Variants in MYLK4 observed in about 807,000 individuals in gnomAD.
MYLK4 encodes the protein myosin light chain kinase family member 4, also known as caMLCK like.
MYLK4 carries 46 observed loss-of-function variants against 48.1 expected under a neutral mutation model. The observed-to-expected ratio is 0.96, with a 90% CI of 0.75 to 1.22. The LOEUF (loss-of-function observed/expected upper bound fraction) is 1.22, where lower values mean the gene tolerates loss of function less well. Ranked by LOEUF, MYLK4 falls within the 50% of genes most tolerant of loss-of-function variation. MYLK4 has a pLI of 0.00. For missense variants in MYLK4, 451 were observed against 486.1 expected (o/e 0.93, Z 0.68); for synonymous variants, 170 against 180.8 (o/e 0.94, Z 0.48).
At chr6:2,684,952 G>C (rs148997273) in intron 6 of MYLK4, among the ~76,000 whole-genome samples, 2 of 152,032 alleles carry the variant, frequency 1.3e-5, no homozygotes, top group Non-Finnish European at 2.9e-5. Context: ...TTGTTGACAT[G>C]ACCTTTGTAT....
intron 2 of MYLK4, among the ~76,000 whole-genome samples, chr6:2,705,711 T>C (rs1762464303): frequency 6.6e-6 from 1 of 152,196 alleles, no homozygotes; most frequent in African/African-American, 2.4e-5. Flanking sequence ...AAAAACAACT[T>C]AGATTTAACA....
chr6:2,680,203 A>G lies in MYLK4; in HGVS notation c.758+18T>C. 6.2e-7 allele frequency: 1 copy of G among 1,613,874 alleles called. No homozygotes were observed. Among genetic ancestry groups the G allele is most frequent in the South Asian group, 1.1e-5 (1 of 91,054 alleles). ...GTCCCCCAGCTCCATTCGTACACCT[A>G]TGTCCAAATAGACATACCTTCTGGC... On this transcript the variant is annotated intron_variant, in intron 8 of 12. Coordinates refer to ENST00000274643, the MANE Select transcript of MYLK4 (RefSeq NM_001012418.5).
At chr6:2,694,502 G>GGTA (rs1561845821) in intron 2 of MYLK4, among the ~76,000 whole-genome samples, 4 of 55,348 alleles carry the variant, frequency 7.2e-5, no homozygotes, top group African/African-American at 2.4e-4. Context: ...TGGTGGTGGT[G>GGTA]GTGGTGGTGG....
the MYLK4 span, among the ~76,000 whole-genome samples, chr6:2,768,511 TTTG>T: frequency 9.2e-4 from 140 of 152,328 alleles, no homozygotes; most frequent in East Asian, 2.5e-3. Context: ...TTATAATATT[TTTG>T]TTGTTGTTGT....
the MYLK4 span, among the ~76,000 whole-genome samples, chr6:2,767,554 C>T: frequency 6.6e-6 from 1 of 152,196 alleles, no homozygotes; most frequent in Non-Finnish European, 1.5e-5. Context: ...TAAACCACAT[C>T]TATCCCAAAT....
the MYLK4 span, among the ~76,000 whole-genome samples, chr6:2,763,624 G>A: frequency 1.3e-5 from 2 of 152,250 alleles, no homozygotes; most frequent in African/African-American, 4.8e-5. Flanking sequence ...ACCGCGCGCA[G>A]CCCCGGTTCC....
At chr6:2,723,883 T>C (rs1426821541) in intron 2 of MYLK4, among the ~76,000 whole-genome samples, 2 of 152,102 alleles carry the variant, frequency 1.3e-5, no homozygotes, top group African/African-American at 4.8e-5. Flanking sequence ...TTTTATTTTA[T>C]TTTTTATTTT....
In MYLK4 at chr6:2,673,598, A is replaced by G. The variant is rs1760981769; in HGVS notation, c.1119+1449T>C. Among the ~76,000 whole-genome samples, 1 of 152,244 alleles carries G rather than the reference A, an allele frequency of 6.6e-6. No homozygotes were observed. The highest frequency in any genetic ancestry group is 1.5e-5 in the Non-Finnish European group (1 of 68,048). On this transcript the variant is annotated intron_variant, in intron 11 of 12. Coordinates refer to ENST00000274643, the MANE Select transcript of MYLK4 (RefSeq NM_001012418.5). This position sits in a 1 kb window ranked among gnomAD's most constrained non-coding sequence, Gnocchi z 4.2. Reference sequence around the variant, plus strand: ...ACCAGCCACCCTAACTGATAGGTACATCAGACAGGTCCTGGTGGGCCCAAA... The same window carrying G: ...ACCAGCCACCCTAACTGATAGGTACGTCAGACAGGTCCTGGTGGGCCCAAA...
the MYLK4 span, chr6:2,769,032 A>C: frequency 2.8e-6 from 2 of 716,130 alleles, no homozygotes; most frequent in South Asian, 2.8e-5. Flanking sequence ...CTATTTCTCC[A>C]TACATTTCTT....
chr6:2,762,332 C>G, the MYLK4 span, among the ~76,000 whole-genome samples: 1 of 152,122 alleles, frequency 6.6e-6, no homozygotes, highest in African/African-American at 2.4e-5. Flanking sequence ...TCTTGAAACA[C>G]GTCCTAAGAG....
rs565354195 is a variant in MYLK4 at position 2,671,487 on chromosome 6, C to T, written c.1120-139G>A. ...GAGAAGTTCTTGAAGCCTACATTCCCGACAACCCCCTGGCAGACACACCGG... is the reference window on the plus strand; with the variant it reads ...GAGAAGTTCTTGAAGCCTACATTCCTGACAACCCCCTGGCAGACACACCGG... On this transcript the variant is annotated intron_variant, in intron 11 of 12. Coordinates refer to ENST00000274643, the MANE Select transcript of MYLK4 (RefSeq NM_001012418.5). The T allele has an allele frequency of 1.2e-4, 88 of 741,198 alleles. 1 individual carries two copies. The South Asian group carries it at 1.4e-3, about 12-fold the overall frequency. The allele number at this position is 741,198 out of a possible 1,614,324, so 45.9% of individuals were successfully genotyped here.
chr6:2,755,524 T>C (rs1210791780), upstream of MYLK4, among the ~76,000 whole-genome samples: 2 of 152,204 alleles, frequency 1.3e-5, no homozygotes, highest in Non-Finnish European at 1.5e-5. Flanking sequence ...ATTTAGGAAA[T>C]GGTCATTCCG....
At position 2,666,990 on chromosome 6, in the gene MYLK4, A is replaced by C. The variant is rs1760681828; in HGVS notation, c.*935T>G. 1.3e-5 allele frequency: 2 copies of C among 152,356 alleles called. No individual in the cohort carries two copies. The highest frequency in any genetic ancestry group is 4.1e-4 in the South Asian group (2 of 4,828). 9.4% of individuals were successfully genotyped at this position (152,356 alleles called of 1,614,324 possible). ...TGTATGTGTTTACCCAGAAGCTTGAATGTTATTTCCCAAGTCACTTCAATG... is the reference window on the plus strand; with the variant it reads ...TGTATGTGTTTACCCAGAAGCTTGACTGTTATTTCCCAAGTCACTTCAATG... On this transcript the variant is annotated 3_prime_UTR_variant, in exon 13 of 13. Coordinates refer to ENST00000274643, the MANE Select transcript of MYLK4 (RefSeq NM_001012418.5).
At chr6:2,699,529 C>A (rs1762209932) in intron 2 of MYLK4, among the ~76,000 whole-genome samples, 1 of 150,760 alleles carries the variant, frequency 6.6e-6, no homozygotes, top group Non-Finnish European at 1.5e-5. Flanking sequence ...GAACTCCTGA[C>A]CTCGTGATCC....
intron 2 of MYLK4, among the ~76,000 whole-genome samples, chr6:2,699,086 TGCTTCACTCGGAA>T (rs1248480838): frequency 2.0e-5 from 3 of 152,120 alleles, no homozygotes; most frequent in Non-Finnish European, 2.9e-5. Flanking sequence ...ATGTGCACAG[TGCTTCACTCGGAA>T]GCCAAGTAAA....
chr6:2,725,765 G>A (rs533096098), intron 2 of MYLK4, among the ~76,000 whole-genome samples: 1 of 152,330 alleles, frequency 6.6e-6, no homozygotes, highest in Admixed American at 6.5e-5. Flanking sequence ...AACCTCATGT[G>A]TTCTGGGAGA....
At chr6:2,709,561 A>G (rs1733501633) in intron 2 of MYLK4, among the ~76,000 whole-genome samples, 1 of 152,240 alleles carries the variant, frequency 6.6e-6, no homozygotes, top group African/African-American at 2.4e-5. Flanking sequence ...TTCAACAAAC[A>G]AGCAAGTACA....
the MYLK4 span, chr6:2,765,818 C>G: frequency 4.4e-6 from 6 of 1,354,020 alleles, 1 homozygote; most frequent in South Asian, 1.1e-4. Context: ...GGGGCCCTCG[C>G]CGCCCGGCGC....
In MYLK4 at chr6:2,681,155, G is replaced by C. The variant is rs530150092; in HGVS notation, c.688-864C>G. Among the ~76,000 whole-genome samples, 5 of 152,266 alleles carry C rather than the reference G, an allele frequency of 3.3e-5. No homozygotes were observed. The South Asian group carries it at 8.3e-4, about 25-fold the overall frequency. ...AACCCTCAGTCCCAATTCTTTACAA[G>C]CTGGAGGGCACCATCCCAGAAGCCA... On this transcript the variant is annotated intron_variant, in intron 7 of 12. Coordinates refer to ENST00000274643, the MANE Select transcript of MYLK4 (RefSeq NM_001012418.5).
Sources: allele counts gnomAD v4.1 joint callset (sites outside exome capture counted in the v4.1 genomes callset), GRCh38; gene constraint gnomAD v4.1.1; non-coding constraint Gnocchi (gnomAD v3.1); transcripts MANE v1.5; gene names NCBI Gene and HGNC (gene_info 2026-07-23, HGNC 2026-07-21).